The following KATNIP variants were observed in gnomAD, a reference collection of about 807,000 sequenced individuals.
The protein encoded by KATNIP is katanin interacting protein.
In KATNIP, 126 loss-of-function variants were observed where a neutral mutation model predicts 174.0. The observed-to-expected ratio is 0.72, with a 90% CI of 0.63 to 0.84. The LOEUF is 0.84. Among genes scored for constraint, KATNIP ranks in the 40% least tolerant of loss-of-function variants. The pLI, the probability that KATNIP is intolerant of heterozygous loss-of-function variation, is 0.00. For synonymous variants in KATNIP, 810 were observed against 835.7 expected, an observed-to-expected ratio of 0.97 and a Z score of 0.53; for missense variants, 1,958 against 2,109.7, an observed-to-expected ratio of 0.93 and a Z score of 1.41.
chr16:27,755,508 C>T (rs1268295816), intron 18 of KATNIP: 4 of 152,182 alleles, frequency 2.6e-5, no homozygotes, highest in Non-Finnish European at 5.9e-5. Context: ...ACAGGGAGCT[C>T]GGAACCTGGG....
At position 27,708,722 on chromosome 16, in the gene KATNIP, G is replaced by A. The variant is rs74016989; in HGVS notation, c.1407G>A (p.Arg469=). 3,242 of 1,613,536 alleles carry A rather than the reference G, an allele frequency of 2.0e-3. 49 individuals are homozygous for A. In the African/African-American group the frequency reaches 0.039, roughly 19 times the overall value. The change falls in exon 13 of 28, where the codon AGG becomes AGA. Residue 469 remains arginine, a synonymous_variant. Coordinates refer to ENST00000261588, the MANE Select transcript of KATNIP (RefSeq NM_015202.5). Reference sequence around the variant, plus strand: ...TCTTTAAGGACAAACAGAGAATGAGGGCAGACGAGATCAAAGATGCCATCT... The same window carrying A: ...TCTTTAAGGACAAACAGAGAATGAGAGCAGACGAGATCAAAGATGCCATCT... ...VSDTEDKQRM[R]ADEIKDAIYV... is the part of the protein sequence containing the mutation.
intron 2 of KATNIP, among the ~76,000 whole-genome samples, chr16:27,581,026 A>C (rs1033462385): frequency 6.6e-6 from 1 of 152,112 alleles, no homozygotes; most frequent in Non-Finnish European, 1.5e-5. Context: ...CAGGAGTTTG[A>C]ATCCAGGTTG....
At chr16:27,695,113 G>A (rs550916639) in intron 8 of KATNIP, among the ~76,000 whole-genome samples, 2 of 152,346 alleles carry the variant, frequency 1.3e-5, no homozygotes, top group South Asian at 2.1e-4. Flanking sequence ...GCAGATGCCT[G>A]TAATCTGACC....
chr16:27,736,980 T>TGCCCCTG (rs1162331466), intron 14 of KATNIP, among the ~76,000 whole-genome samples: 1 of 138,456 alleles, frequency 7.2e-6, no homozygotes, highest in Admixed American at 7.2e-5. Flanking sequence ...AGTGAGAAAG[T>TGCCCCTG]GAGAGGGGAC....
At chr16:27,656,483 T>C (rs575985359) in intron 6 of KATNIP, among the ~76,000 whole-genome samples, 2 of 148,254 alleles carry the variant, frequency 1.3e-5, no homozygotes, top group East Asian at 3.9e-4. Context: ...AAGGGCACTG[T>C]TTCAGATTAA....
rs1410526444 is a variant in KATNIP, at chr16:27,777,806, G to C, written c.4712+36G>C. 6.2e-7 allele frequency: 1 copy of C among 1,613,338 alleles called. No individual in the cohort carries two copies. Among genetic ancestry groups the C allele is most frequent in the South Asian group, 1.1e-5 (1 of 90,962 alleles). On this transcript the variant is annotated intron_variant, in intron 26 of 27. Coordinates refer to ENST00000261588, the MANE Select transcript of KATNIP (RefSeq NM_015202.5). The surrounding 1 kb of genome is among the most constrained non-coding windows in gnomAD (Gnocchi z 4.4). ...AGCCGGCCCCATGGCCTCCCCACCAGCCCTAAGGAGGATGGATGGCTGGGA... is the reference window on the plus strand; with the variant it reads ...AGCCGGCCCCATGGCCTCCCCACCACCCCTAAGGAGGATGGATGGCTGGGA...
intron 18 of KATNIP, among the ~76,000 whole-genome samples, chr16:27,760,677 C>A (rs1483382982): frequency 6.6e-6 from 1 of 152,246 alleles, no homozygotes; most frequent in East Asian, 1.9e-4. Flanking sequence ...GTGTGCCAGG[C>A]ACCATGCCAG....
rs1207489989 is a variant in KATNIP at position 27,690,367 on chromosome 16, A to T, written c.941-7961A>T. Among the ~76,000 whole-genome samples, 3 of 142,244 alleles carry T rather than the reference A, an allele frequency of 2.1e-5. No homozygotes were observed. In the Admixed American group the frequency reaches 2.1e-4, roughly 10 times the overall value. 93.3% of individuals were successfully genotyped at this position (142,244 alleles called of 152,430 possible). A position where few individuals can be genotyped will look rare whatever the true frequency, so the allele number is the denominator to read the frequency against. On this transcript the variant is annotated intron_variant, in intron 8 of 27. Coordinates refer to ENST00000261588, the MANE Select transcript of KATNIP (RefSeq NM_015202.5). ...ATAGATAGATAGATAGATAGATGAT[A>T]GATAGATAGATAGATAGATAGAAAA...
chr16:27,746,894 G>A (rs1381291742), intron 15 of KATNIP, among the ~76,000 whole-genome samples: 1 of 152,224 alleles, frequency 6.6e-6, no homozygotes, highest in African/African-American at 2.4e-5. Flanking sequence ...CTCAGTGCAG[G>A]AGAGACAATG....
At chr16:27,573,280 T>G (rs2090372201) in intron 1 of KATNIP, among the ~76,000 whole-genome samples, 1 of 152,254 alleles carries the variant, frequency 6.6e-6, no homozygotes, top group Admixed American at 6.5e-5. Context: ...TAATGGACAC[T>G]TCCATAAAAG....
chr16:27,702,319 G>A (rs1182152117), intron 11 of KATNIP, among the ~76,000 whole-genome samples: 1 of 152,154 alleles, frequency 6.6e-6, no homozygotes. Context: ...AGCGTCCTTC[G>A]AAGCTCCTTT....
intron 6 of KATNIP, among the ~76,000 whole-genome samples, chr16:27,673,578 T>C (rs2077997787): frequency 6.6e-6 from 1 of 152,184 alleles, no homozygotes; most frequent in African/African-American, 2.4e-5. Flanking sequence ...GATCATTCTT[T>C]GTTGTGGGGC....
chr16:27,658,011 A>C (rs1263144533), intron 6 of KATNIP, among the ~76,000 whole-genome samples: 4 of 152,204 alleles, frequency 2.6e-5, no homozygotes, highest in African/African-American at 9.7e-5. Flanking sequence ...ATTGGGGGAA[A>C]CTGGGTGAAG....
chr16:27,647,467 G>A (rs1029051907), intron 5 of KATNIP, among the ~76,000 whole-genome samples: 6 of 151,176 alleles, frequency 4.0e-5, no homozygotes, highest in Admixed American at 6.6e-5. Context: ...TCAGCCTCCC[G>A]AGTAGCTGGG....
chr16:27,779,291 G>A lies in KATNIP; in HGVS notation c.*662G>A, dbSNP rs892849808. 1 of 152,480 alleles carries A rather than the reference G, an allele frequency of 6.6e-6. No individual in the cohort carries two copies. The highest frequency in any genetic ancestry group is 2.4e-5 in the African/African-American group (1 of 41,456). 9.4% of individuals were successfully genotyped at this position (152,480 alleles called of 1,614,324 possible). A position where few individuals can be genotyped will look rare whatever the true frequency, so the allele number is the denominator to read the frequency against. ...CAAGGCTGTGTGCATCCTGCAGAGGGAAGGAAGTCAGCTGGGCCACCCGCC... is the reference window on the plus strand; with the variant it reads ...CAAGGCTGTGTGCATCCTGCAGAGGAAAGGAAGTCAGCTGGGCCACCCGCC... On this transcript the variant is annotated 3_prime_UTR_variant, in exon 28 of 28. Transcript: ENST00000261588.
chr16:27,662,910 G>A (rs2077568816), intron 6 of KATNIP, among the ~76,000 whole-genome samples: 2 of 152,026 alleles, frequency 1.3e-5, no homozygotes, highest in African/African-American at 4.8e-5. Flanking sequence ...ATGAAAAGCT[G>A]TCTATATCTA....
chr16:27,568,450 C>T (rs2090167699), intron 1 of KATNIP, among the ~76,000 whole-genome samples: 1 of 152,130 alleles, frequency 6.6e-6, no homozygotes, highest in African/African-American at 2.4e-5. Context: ...AGCAACCGGG[C>T]CTTGCCCCGG....
chr16:27,688,698 C>T (rs1035615836), intron 8 of KATNIP, among the ~76,000 whole-genome samples: 2 of 152,208 alleles, frequency 1.3e-5, no homozygotes, highest in Non-Finnish European at 2.9e-5. Context: ...AGTTCCCAGG[C>T]GATCCTGACA....
intron 6 of KATNIP, among the ~76,000 whole-genome samples, chr16:27,664,820 TC>T (rs1038220148): frequency 3.3e-5 from 5 of 152,202 alleles, no homozygotes; most frequent in African/African-American, 1.2e-4. Context: ...GTGGGCCTTT[TC>T]AGCAAAAATT....
Sources: gnomAD v4.1 joint callset for allele counts (sites outside exome capture counted in the v4.1 genomes callset) on GRCh38, gnomAD v4.1.1 for gene constraint, Gnocchi (gnomAD v3.1) non-coding constraint, MANE v1.5 for transcripts, NCBI Gene and HGNC (gene_info 2026-07-23, HGNC 2026-07-21) for gene names.